Variants in FAM117A observed in about 807,000 individuals in gnomAD.
FAM117A encodes the protein protein FAM117A.
FAM117A carries 21 observed loss-of-function variants against 44.1 expected under a neutral mutation model. The ratio of observed to expected loss-of-function variants is 0.48; its 90% CI spans 0.34 to 0.69. FAM117A has a LOEUF of 0.69. Among genes scored for constraint, FAM117A ranks in the 30% least tolerant of loss-of-function variants. The pLI, the probability that FAM117A is intolerant of heterozygous loss-of-function variation, is 0.01. For missense variants in FAM117A, 498 were observed against 589.9 expected, an observed-to-expected ratio of 0.84 and a Z score of 1.61; for synonymous variants, 220 against 238.3, an observed-to-expected ratio of 0.92 and a Z score of 0.71.
intron 2 of FAM117A, among the ~76,000 whole-genome samples, chr17:49,724,194 C>G (rs1213978758): frequency 2.0e-5 from 3 of 152,160 alleles, no homozygotes; most frequent in African/African-American, 4.8e-5. Flanking sequence ...CACCTCGACC[C>G]AGCAGACACA....
At chr17:49,741,983 T>G (rs2073636359) in intron 1 of FAM117A, among the ~76,000 whole-genome samples, 1 of 152,136 alleles carries the variant, frequency 6.6e-6, no homozygotes, top group African/African-American at 2.4e-5. Flanking sequence ...CTGAAAAAAT[T>G]AAATCTGGAG....
chr17:49,743,388 G>A (rs2073642162), intron 1 of FAM117A, among the ~76,000 whole-genome samples: 1 of 152,004 alleles, frequency 6.6e-6, no homozygotes, highest in Non-Finnish European at 1.5e-5. Flanking sequence ...TTGAGTCCAG[G>A]AGCTTGAGAC....
chr17:49,714,282 A>G (rs905007973), intron 7 of FAM117A, among the ~76,000 whole-genome samples: 1 of 152,170 alleles, frequency 6.6e-6, no homozygotes, highest in Non-Finnish European at 1.5e-5. Flanking sequence ...AGTGAACTAC[A>G]GAATTTAAAT....
intron 2 of FAM117A, among the ~76,000 whole-genome samples, chr17:49,730,324 G>A (rs1567829024): frequency 6.6e-6 from 1 of 152,196 alleles, no homozygotes; most frequent in Admixed American, 6.5e-5. Context: ...TCTTGCTGTG[G>A]CAAGAAGCCC....
Position 49,711,572 on chromosome 17 carries a change from G to C in FAM117A, c.1062-17C>G. The C allele has an allele frequency of 6.2e-7, 1 of 1,609,558 alleles. No homozygotes were observed. The highest frequency in any genetic ancestry group is 8.5e-7 in the Non-Finnish European group (1 of 1,176,914). Reference sequence around the variant, plus strand: ...CCTGGAGACCTGGAGGATGAAGAGAGACACACAAGACACATACGTACACAC... The same window carrying C: ...CCTGGAGACCTGGAGGATGAAGAGACACACACAAGACACATACGTACACAC... On this transcript the variant is annotated splice_polypyrimidine_tract_variant and intron_variant, in intron 7 of 7. Coordinates refer to ENST00000240364, the MANE Select transcript of FAM117A (RefSeq NM_030802.4).
chr17:49,786,566 C>T (rs988252286), intron 1 of FAM117A, among the ~76,000 whole-genome samples: 13 of 151,854 alleles, frequency 8.6e-5, no homozygotes, highest in Non-Finnish European at 1.3e-4. Context: ...CACCTGAGGT[C>T]AGGAGTTCAA....
At chr17:49,750,522 C>G (rs2073672210) in intron 1 of FAM117A, among the ~76,000 whole-genome samples, 1 of 152,062 alleles carries the variant, frequency 6.6e-6, no homozygotes, top group African/African-American at 2.4e-5. Context: ...CGCCTGTAAT[C>G]CCAGCACTTT....
chr17:49,723,913 T>C (rs2073547154), intron 2 of FAM117A, among the ~76,000 whole-genome samples: 1 of 151,974 alleles, frequency 6.6e-6, no homozygotes, highest in Non-Finnish European at 1.5e-5. Flanking sequence ...GCATCACGAG[T>C]AAGTAGGTAA....
At chr17:49,723,295 C>T (rs2073543984) in intron 2 of FAM117A, among the ~76,000 whole-genome samples, 2 of 152,280 alleles carry the variant, frequency 1.3e-5, no homozygotes, top group Middle Eastern at 3.4e-3. Flanking sequence ...CTTTTCCTCC[C>T]GGGCCTGCCC....
rs1233086102 is a variant in FAM117A at position 49,720,323 on chromosome 17, T to C, written c.573+3A>G. ...GGGGAGAGGGCTGGGGGAGAAAACA[T>C]ACCCTCAGTGCTCCCCGCACTGCGT... On this transcript the variant is annotated splice_donor_region_variant and intron_variant, in intron 4 of 7. Coordinates refer to ENST00000240364, the MANE Select transcript of FAM117A (RefSeq NM_030802.4). The C allele has an allele frequency of 6.2e-7, 1 of 1,609,708 alleles. No individual in the cohort carries two copies. The highest frequency in any genetic ancestry group is 1.1e-5 in the South Asian group (1 of 91,010).
chr17:49,720,443 G>T lies in FAM117A; in HGVS notation c.463-7C>A. ...GTTGCTTCAACTTGGAAATCTAGCAGCCCAGAGAGAAGACGACAGAGGCAG... is the reference window on the plus strand; with the variant it reads ...GTTGCTTCAACTTGGAAATCTAGCATCCCAGAGAGAAGACGACAGAGGCAG... On this transcript the variant is annotated splice_polypyrimidine_tract_variant and splice_region_variant and intron_variant, in intron 3 of 7. Coordinates refer to ENST00000240364, the MANE Select transcript of FAM117A (RefSeq NM_030802.4). The T allele has an allele frequency of 1.2e-6, 2 of 1,611,000 alleles. No individual in the cohort carries two copies. The highest frequency in any genetic ancestry group is 1.7e-6 in the Non-Finnish European group (2 of 1,178,862).
At chr17:49,755,120 C>T (rs991972639) in intron 1 of FAM117A, among the ~76,000 whole-genome samples, 5 of 151,328 alleles carry the variant, frequency 3.3e-5, no homozygotes, top group African/African-American at 4.9e-5. Flanking sequence ...GGAACACAGA[C>T]TCTGTGGACA....
At chr17:49,771,622 T>C (rs2073761256) in intron 1 of FAM117A, among the ~76,000 whole-genome samples, 1 of 152,194 alleles carries the variant, frequency 6.6e-6, no homozygotes, top group African/African-American at 2.4e-5. Flanking sequence ...GAATTAAAGT[T>C]TACTCTAGTT....
Position 49,711,012 on chromosome 17 carries a change from T to C in FAM117A, c.*243A>G, listed in dbSNP as rs1300760704. The C allele has an allele frequency of 7.3e-6, 3 of 410,114 alleles. No homozygotes were observed. The East Asian group carries it at 1.1e-4, about 15-fold the overall frequency. 25.4% of individuals were successfully genotyped at this position (410,114 alleles called of 1,614,324 possible). A position where few individuals can be genotyped will look rare whatever the true frequency, so the allele number is the denominator to read the frequency against. On this transcript the variant is annotated 3_prime_UTR_variant, in exon 8 of 8. Transcript: ENST00000240364. ...GGTGTTTTCCACCAAGTGAGGGATG[T>C]GGCAGGTACACAGGTGTGAATTGTG...
chr17:49,754,452 C>T (rs1009773029), intron 1 of FAM117A, among the ~76,000 whole-genome samples: 23 of 151,922 alleles, frequency 1.5e-4, no homozygotes, highest in African/African-American at 5.6e-4. Context: ...CTACAGGAGC[C>T]CACCACCACG....
chr17:49,712,511 T>C (rs2073483443), intron 7 of FAM117A, among the ~76,000 whole-genome samples: 1 of 152,010 alleles, frequency 6.6e-6, no homozygotes, highest in African/African-American at 2.4e-5. Flanking sequence ...TTGTTTATTG[T>C]TGTTGTTTTG....
upstream of FAM117A, among the ~76,000 whole-genome samples, chr17:49,767,784 A>G (rs938855998): frequency 6.6e-6 from 1 of 152,152 alleles, no homozygotes; most frequent in African/African-American, 2.4e-5. Context: ...GGTGCCTGTA[A>G]TCCCAGCTAC....
intron 5 of FAM117A, 103 bp from the exon 6 acceptor site, chr17:49,717,817 C>A: frequency 2.2e-6 from 2 of 926,832 alleles, no homozygotes; most frequent in Non-Finnish European, 1.6e-6. Flanking sequence ...ATTCTCTATC[C>A]ATGACACACA....
chr17:49,761,152 T>C (rs2143784460), intron 1 of FAM117A, among the ~76,000 whole-genome samples: 1 of 152,328 alleles, frequency 6.6e-6, no homozygotes, highest in South Asian at 2.1e-4. Flanking sequence ...CACTTTGAGA[T>C]GGGCAAGAGA....
Sources: allele counts gnomAD v4.1 joint callset (sites outside exome capture counted in the v4.1 genomes callset), GRCh38; gene constraint gnomAD v4.1.1; transcripts MANE v1.5; gene names NCBI Gene and HGNC (gene_info 2026-07-23, HGNC 2026-07-21).